Variants in AFG1L observed in about 807,000 individuals in gnomAD.
AFG1L encodes AFG1 like ATPase.
Under a neutral mutation model 62.2 loss-of-function variants are expected in AFG1L, and 53 were observed. The observed-to-expected ratio is 0.85, with a 90% confidence interval of 0.68 to 1.07. AFG1L has a LOEUF of 1.07. Among genes scored for constraint, AFG1L ranks in the 50% least tolerant of loss-of-function variants. AFG1L has a pLI of 0.00. For synonymous variants in AFG1L, 228 were observed against 210.3 expected, an observed-to-expected ratio of 1.08 and a Z score of -0.73; for missense variants, 555 against 590.5, an observed-to-expected ratio of 0.94 and a Z score of 0.62.
chr6:108,449,280 A>G (rs1771953816), intron 8 of AFG1L, among the ~76,000 whole-genome samples: 2 of 152,044 alleles, frequency 1.3e-5, no homozygotes, highest in African/African-American at 4.8e-5. Context: ...CTATCTATCT[A>G]TTCATTTAAT....
At chr6:108,434,031 A>G (rs1483119079) in intron 7 of AFG1L, among the ~76,000 whole-genome samples, 1 of 152,224 alleles carries the variant, frequency 6.6e-6, no homozygotes, top group African/African-American at 2.4e-5. Context: ...CAGGCACTTA[A>G]AGGGAACAGG....
chr6:108,515,569 C>T (rs1774846644), intron 11 of AFG1L, among the ~76,000 whole-genome samples: 1 of 151,816 alleles, frequency 6.6e-6, no homozygotes, highest in African/African-American at 2.4e-5. Flanking sequence ...AAATTGACAC[C>T]CTAACATCAC....
intron 11 of AFG1L, among the ~76,000 whole-genome samples, chr6:108,512,781 C>G (rs1234410037): frequency 6.6e-6 from 1 of 151,814 alleles, no homozygotes; most frequent in Non-Finnish European, 1.5e-5. Context: ...TCCTAACATT[C>G]CCTTTAACTA....
In AFG1L at chr6:108,327,893, C is replaced by G. The variant is rs543612854; in HGVS notation, c.363+3845C>G. On this transcript the variant is annotated intron_variant, in intron 2 of 12. Transcript: ENST00000368977. The stretch of plus-strand genomic sequence containing the variant: ...CTTTCACATTGGGTTTCTTAGAGGC[C>G]GTTAACCAGCGTAAAGATTGGCTTA... Among the ~76,000 whole-genome samples, 104 of 152,264 alleles carry G rather than the reference C, an allele frequency of 6.8e-4. 1 individual carries two copies. Among genetic ancestry groups the G allele is most frequent in the African/African-American group, 2.5e-3 (103 of 41,540 alleles).
chr6:108,430,480 TGTGTA>T (rs1331937383), intron 7 of AFG1L, among the ~76,000 whole-genome samples: 1 of 152,200 alleles, frequency 6.6e-6, no homozygotes, highest in Non-Finnish European at 1.5e-5. Flanking sequence ...ATGGGAGGTA[TGTGTA>T]GTGGTTAAGA....
At chr6:108,491,612 T>C (rs562579763) in intron 10 of AFG1L, among the ~76,000 whole-genome samples, 3 of 152,324 alleles carry the variant, frequency 2.0e-5, no homozygotes, top group Admixed American at 2.0e-4. Context: ...TTCCGGCCTT[T>C]CATGGATGTT....
At chr6:108,378,033 C>CTTT (rs1312888746) in intron 6 of AFG1L, among the ~76,000 whole-genome samples, 1 of 134,468 alleles carries the variant, frequency 7.4e-6, no homozygotes. Context: ...AAAAATTCTT[C>CTTT]TTTTTTTTTT....
chr6:108,331,693 G>T (rs375993478), intron 2 of AFG1L, among the ~76,000 whole-genome samples: 7 of 152,136 alleles, frequency 4.6e-5, no homozygotes, highest in African/African-American at 1.7e-4. Flanking sequence ...AGGCATAAAT[G>T]GTAAGTAGTT....
intron 1 of AFG1L, among the ~76,000 whole-genome samples, chr6:108,317,123 T>C (rs2114267743): frequency 1.3e-5 from 2 of 152,328 alleles, no homozygotes; most frequent in Admixed American, 1.3e-4. Flanking sequence ...TTGCCTCTTC[T>C]TTTTGGATGG....
chr6:108,490,364 C>A (rs899004512), intron 10 of AFG1L, among the ~76,000 whole-genome samples: 1 of 150,004 alleles, frequency 6.7e-6, no homozygotes, highest in Non-Finnish European at 1.5e-5. Context: ...GTCTCAAAAG[C>A]AAACAAACAA....
chr6:108,333,942 A>G (rs1778374746), intron 2 of AFG1L, among the ~76,000 whole-genome samples: 1 of 152,218 alleles, frequency 6.6e-6, no homozygotes, highest in Admixed American at 6.5e-5. Flanking sequence ...TGTTTGTAAT[A>G]TTCCATTGTG....
intron 10 of AFG1L, among the ~76,000 whole-genome samples, chr6:108,500,171 C>CATGTGTGTGT: frequency 7.4e-6 from 1 of 135,140 alleles, no homozygotes; most frequent in South Asian, 2.5e-4. Context: ...ATGGTGCGTG[C>CATGTGTGTGT]GTGTGTGTGT....
At chr6:108,297,714 G>A (rs113540827) in intron 1 of AFG1L, among the ~76,000 whole-genome samples, 1 of 151,722 alleles carries the variant, frequency 6.6e-6, no homozygotes, top group African/African-American at 2.4e-5. Context: ...ACTTAGCCGG[G>A]TGTGGTGGTG....
chr6:108,303,711 C>T (rs899898208), intron 1 of AFG1L, among the ~76,000 whole-genome samples: 2 of 152,128 alleles, frequency 1.3e-5, no homozygotes, highest in Admixed American at 6.5e-5. Flanking sequence ...TCTTTATAGT[C>T]GTTCCTCCAT....
At chr6:108,355,167 T>C (rs554720203) in intron 3 of AFG1L, among the ~76,000 whole-genome samples, 67 of 151,556 alleles carry the variant, frequency 4.4e-4, no homozygotes, top group African/African-American at 1.6e-3. Context: ...TCTTGAACTC[T>C]TGGGCTCAGG....
At chr6:108,372,965 T>C (rs1383274432) in intron 6 of AFG1L, 1 of 152,414 alleles carries the variant, frequency 6.6e-6, no homozygotes, top group Non-Finnish European at 1.5e-5. Flanking sequence ...TCTGCTCTTC[T>C]CAGTGGTTGC....
chr6:108,494,627 A>G (rs778772600), intron 10 of AFG1L, among the ~76,000 whole-genome samples: 14 of 152,102 alleles, frequency 9.2e-5, no homozygotes, highest in Non-Finnish European at 1.9e-4. Flanking sequence ...ATTTTCTAGA[A>G]TGGTGAGATA....
chr6:108,522,298 A>G lies in AFG1L; in HGVS notation c.1319A>G (p.Asp440Gly). The G allele has an allele frequency of 6.2e-7, 1 of 1,612,810 alleles. No individual in the cohort carries two copies. The highest frequency in any genetic ancestry group is 1.1e-5 in the South Asian group (1 of 90,988). Reference sequence around the variant, plus strand: ...TTAATTTCTTTGTTTTATAACCAGGATTCAGCAGAAGGACTCTCCATGTTT... The same window carrying G: ...TTAATTTCTTTGTTTTATAACCAGGGTTCAGCAGAAGGACTCTCCATGTTT... Reference protein sequence around the residue: ...ILMDDLGLSQDSAEGLSMFTG... With the variant: ...ILMDDLGLSQGSAEGLSMFTG... Residue 440 changes from aspartate to glycine, a missense_variant and splice_region_variant, in exon 13 of 13, where the codon GAT becomes GGT. Asp to Gly is a moderately conservative substitution (Grantham distance 94). Coordinates refer to ENST00000368977, the MANE Select transcript of AFG1L (RefSeq NM_145315.5).
chr6:108,384,291 C>T (rs1780671095), intron 6 of AFG1L, among the ~76,000 whole-genome samples: 1 of 152,040 alleles, frequency 6.6e-6, no homozygotes, highest in African/African-American at 2.4e-5. Flanking sequence ...AAATGGATCC[C>T]AGAGAGAACT....
Sources: allele counts gnomAD v4.1 joint callset (sites outside exome capture counted in the v4.1 genomes callset), GRCh38; gene constraint gnomAD v4.1.1; transcripts MANE v1.5; gene names NCBI Gene and HGNC (gene_info 2026-07-23, HGNC 2026-07-21).